The following ANKFN1 variants were observed in gnomAD, a reference collection of about 807,000 sequenced individuals.
ANKFN1 encodes the protein ankyrin repeat and fibronectin type III domain containing 1, also known as ankyrin repeat and fibronectin type-III domain-containing protein 1.
A neutral mutation model predicts 108.7 loss-of-function variants in ANKFN1; 74 were observed. The ratio of observed to expected loss-of-function variants is 0.68; its 90% CI spans 0.56 to 0.83. The LOEUF (loss-of-function observed/expected upper bound fraction) is 0.83. ANKFN1 is among the 40% of genes least tolerant of loss of function. The pLI, the probability that ANKFN1 is intolerant of heterozygous loss-of-function variation, is 0.00. For synonymous variants in ANKFN1, 547 were observed against 516.2 expected, an observed-to-expected ratio of 1.06 and a Z score of -0.81; for missense variants, 1,505 against 1,382.3, an observed-to-expected ratio of 1.09 and a Z score of -1.41.
intron 8 of ANKFN1, among the ~76,000 whole-genome samples, chr17:56,427,975 G>T (rs2048624560): frequency 6.6e-6 from 1 of 152,156 alleles, no homozygotes; most frequent in Non-Finnish European, 1.5e-5. Context: ...GCTCATGCCT[G>T]TAATCCTAGC....
intron 4 of ANKFN1, chr17:56,110,931 T>C (rs1330789174): frequency 6.6e-6 from 1 of 152,272 alleles, no homozygotes; most frequent in African/African-American, 2.4e-5. Context: ...CAGTTCCTGG[T>C]TGGGAACCAT....
chr17:56,219,434 A>G (rs568686616), intron 2 of ANKFN1, among the ~76,000 whole-genome samples: 1 of 152,134 alleles, frequency 6.6e-6, no homozygotes, highest in Non-Finnish European at 1.5e-5. Context: ...TTTAGTAGAG[A>G]TGGGATTTTA....
At chr17:56,169,847 G>A (rs1387228326) in intron 1 of ANKFN1, among the ~76,000 whole-genome samples, 3 of 152,144 alleles carry the variant, frequency 2.0e-5, no homozygotes, top group Admixed American at 2.0e-4. Flanking sequence ...CTGCTGGGGA[G>A]GCAGCAGGCA....
Position 56,282,288 on chromosome 17 carries a change from GTGTT to G in ANKFN1, c.54-43929_54-43926del, listed in dbSNP as rs949933383. Among the ~76,000 whole-genome samples, 18 of 150,550 alleles carry G rather than the reference GTGTT, an allele frequency of 1.2e-4. 1 individual carries two copies. Among genetic ancestry groups the G allele is most frequent in the Admixed American group, 9.2e-4 (14 of 15,226 alleles). On this transcript the variant is annotated intron_variant, in intron 3 of 20. Transcript: ENST00000682825. ...TCAGAACAACAGGTGCCGTGTGTGT[GTGTT>G]TGTGTGTGTGTGTGTGTGTGTGTTG...
intron 8 of ANKFN1, among the ~76,000 whole-genome samples, chr17:56,388,691 A>G (rs1157264171): frequency 6.6e-6 from 1 of 151,990 alleles, no homozygotes; most frequent in Non-Finnish European, 1.5e-5. Context: ...TTTATTTACA[A>G]TCAACATATT....
At chr17:56,310,026 C>T (rs941568272) in intron 3 of ANKFN1, among the ~76,000 whole-genome samples, 5 of 152,060 alleles carry the variant, frequency 3.3e-5, no homozygotes, top group African/African-American at 4.8e-5. Flanking sequence ...GATCCTGGAT[C>T]GTTGAGCCAT....
chr17:56,187,873 A>C (rs1598202467), intron 1 of ANKFN1, among the ~76,000 whole-genome samples: 1 of 146,276 alleles, frequency 6.8e-6, no homozygotes, highest in South Asian at 2.4e-4. Flanking sequence ...ATAGGTGGGA[A>C]TTGAACAATG....
chr17:56,050,763 G>A (rs1277442368), intron 4 of ANKFN1, among the ~76,000 whole-genome samples: 2 of 151,800 alleles, frequency 1.3e-5, no homozygotes, highest in Non-Finnish European at 2.9e-5. Context: ...TCTCTGTTTT[G>A]GTACCATCAG....
At chr17:56,211,339 G>A (rs1914981306) in intron 1 of ANKFN1, among the ~76,000 whole-genome samples, 1 of 152,106 alleles carries the variant, frequency 6.6e-6, no homozygotes, top group Non-Finnish European at 1.5e-5. Context: ...AATTATCCCA[G>A]CACCATTTGT....
At chr17:56,325,324 CG>C (rs34292523) in intron 3 of ANKFN1, among the ~76,000 whole-genome samples, 21,759 of 151,772 alleles carry the variant, frequency 0.14, 2,120 homozygotes, top group East Asian at 0.42. Flanking sequence ...TGCTATCAAT[CG>C]GCAAGTCCCA....
chr17:56,418,458 TAAAAATG>T (rs2048304992), intron 8 of ANKFN1, among the ~76,000 whole-genome samples: 1 of 152,072 alleles, frequency 6.6e-6, no homozygotes, highest in Non-Finnish European at 1.5e-5. Flanking sequence ...AAGAGTAAAA[TAAAAATG>T]AAAATGTTCA....
chr17:56,368,155 A>G, intron 6 of ANKFN1: 1 of 1,354,662 alleles, frequency 7.4e-7, no homozygotes, highest in Non-Finnish European at 9.8e-7. Flanking sequence ...GACACCACTG[A>G]CTGATCCAGA....
chr17:56,461,672 T>C (rs1191259458), intron 14 of ANKFN1, among the ~76,000 whole-genome samples: 1 of 152,136 alleles, frequency 6.6e-6, no homozygotes, highest in Non-Finnish European at 1.5e-5. Context: ...CAGAGTTTAT[T>C]ACTTGTATTA....
At chr17:56,327,634 C>T (rs59694070) in intron 4 of ANKFN1, among the ~76,000 whole-genome samples, 2,018 of 152,156 alleles carry the variant, frequency 0.013, 51 homozygotes, top group African/African-American at 0.046. Flanking sequence ...GCAAGGAGAC[C>T]GAGTTGCCTA....
intron 3 of ANKFN1, among the ~76,000 whole-genome samples, chr17:56,259,651 G>A (rs571420348): frequency 2.0e-5 from 3 of 152,046 alleles, no homozygotes; most frequent in South Asian, 2.1e-4. Context: ...CTGGCATCTC[G>A]CATCACAGAG....
intron 4 of ANKFN1, among the ~76,000 whole-genome samples, chr17:56,096,650 A>G (rs1033551300): frequency 4.6e-5 from 7 of 152,232 alleles, no homozygotes; most frequent in African/African-American, 1.7e-4. Context: ...ATGTTTATAC[A>G]CTGCTGGTGG....
intron 4 of ANKFN1, among the ~76,000 whole-genome samples, chr17:56,339,417 C>T (rs1190274383): frequency 6.6e-6 from 1 of 151,970 alleles, no homozygotes; most frequent in East Asian, 1.9e-4. Flanking sequence ...AGGTGTTAAG[C>T]CTAGTACCCA....
intron 3 of ANKFN1, among the ~76,000 whole-genome samples, chr17:56,253,204 T>C (rs1306241564): frequency 6.6e-6 from 1 of 152,346 alleles, no homozygotes; most frequent in Middle Eastern, 3.4e-3. Flanking sequence ...ATTAATGCTG[T>C]ACTTCCTAGC....
chr17:56,402,664 A>T (rs2047797674), intron 8 of ANKFN1, among the ~76,000 whole-genome samples: 1 of 149,648 alleles, frequency 6.7e-6, no homozygotes, highest in African/African-American at 2.5e-5. Context: ...TATGTTTTGT[A>T]TTTTTGTTTG....
Sources: gnomAD v4.1 joint callset for allele counts (sites outside exome capture counted in the v4.1 genomes callset) on GRCh38, gnomAD v4.1.1 for gene constraint, MANE v1.5 for transcripts, NCBI Gene and HGNC (gene_info 2026-07-23, HGNC 2026-07-21) for gene names.